The following FER variants were observed in gnomAD, a reference collection of about 807,000 sequenced individuals.
FER encodes tyrosine-protein kinase Fer.
Under a neutral mutation model 111.0 loss-of-function variants are expected in FER, and 63 were observed. The ratio of observed to expected loss-of-function variants is 0.57; its 90% confidence interval spans 0.46 to 0.70. The LOEUF is 0.70. Ranked by LOEUF, FER falls within the 30% of genes least tolerant of loss-of-function variation. The pLI is 0.00. For missense variants in FER, 914 were observed against 954.0 expected (o/e 0.96, Z 0.55); for synonymous variants, 327 against 313.9 (o/e 1.04, Z -0.44).
intron 13 of FER, among the ~76,000 whole-genome samples, chr5:109,001,556 C>T (rs545819599): frequency 2.6e-5 from 4 of 152,262 alleles, no homozygotes; most frequent in African/African-American, 9.6e-5. Flanking sequence ...TGGAAGCATT[C>T]CCTTTGAAAA....
At chr5:108,770,802 A>T (rs1322822850) in intron 2 of FER, among the ~76,000 whole-genome samples, 1 of 152,176 alleles carries the variant, frequency 6.6e-6, no homozygotes, top group Non-Finnish European at 1.5e-5. Flanking sequence ...GCTTCATCAG[A>T]GGATATTTAT....
At chr5:109,074,375 A>G (rs1443469197) in intron 16 of FER, among the ~76,000 whole-genome samples, 2 of 152,226 alleles carry the variant, frequency 1.3e-5, no homozygotes, top group Admixed American at 1.3e-4. Flanking sequence ...ATATCAAAAG[A>G]TACATTGTAA....
chr5:108,812,222 T>C (rs1180598206), intron 3 of FER, among the ~76,000 whole-genome samples: 5 of 152,234 alleles, frequency 3.3e-5, no homozygotes, highest in Admixed American at 6.5e-5. Flanking sequence ...CATAAATGTT[T>C]AGAAATGTTA....
intron 13 of FER, among the ~76,000 whole-genome samples, chr5:108,978,744 C>T (rs1172194443): frequency 3.3e-5 from 5 of 152,204 alleles, no homozygotes; most frequent in African/African-American, 1.2e-4. Flanking sequence ...AAACTGTGTA[C>T]ATGAAGCCCA....
chr5:108,974,916 A>G (rs1172293589), intron 13 of FER, among the ~76,000 whole-genome samples: 1 of 152,224 alleles, frequency 6.6e-6, no homozygotes, highest in African/African-American at 2.4e-5. Flanking sequence ...TTTGACCTCC[A>G]GAACTGTAAA....
In FER at chr5:108,941,316, G is replaced by A. The variant is rs189978778; in HGVS notation, c.1237-4814G>A. ...AAAGGAGTGGGTATGTCCATTTCTTGAGGAAAATATTCTTGAATTCAGACT... is the reference window on the plus strand; with the variant it reads ...AAAGGAGTGGGTATGTCCATTTCTTAAGGAAAATATTCTTGAATTCAGACT... On this transcript the variant is annotated intron_variant, in intron 10 of 19. Transcript: ENST00000281092. Among the ~76,000 whole-genome samples the A allele has an allele frequency of 7.6e-3, 1,159 of 152,254 alleles. 9 individuals are homozygous for A. Among genetic ancestry groups the A allele is most frequent in the African/African-American group, 0.027 (1,132 of 41,542 alleles).
intron 11 of FER, among the ~76,000 whole-genome samples, chr5:108,950,586 C>G (rs1484494117): frequency 1.3e-5 from 2 of 152,108 alleles, no homozygotes; most frequent in Non-Finnish European, 2.9e-5. Flanking sequence ...ATCCTGAACA[C>G]AAATGATCCT....
chr5:109,146,047 C>T (rs911507075), intron 17 of FER, among the ~76,000 whole-genome samples: 3 of 149,864 alleles, frequency 2.0e-5, no homozygotes, highest in Non-Finnish European at 4.4e-5. Flanking sequence ...ACCAGGCAAC[C>T]AATAAAAAAC....
chr5:108,890,234 A>G (rs906380884), intron 9 of FER, among the ~76,000 whole-genome samples: 1 of 152,116 alleles, frequency 6.6e-6, no homozygotes, highest in Admixed American at 6.6e-5. Context: ...TCAGAAATTC[A>G]TCCAGCTACT....
rs554240180 is a variant in FER, at chr5:109,134,951, G to A, written c.2048+34432G>A. 7.2e-5 allele frequency among the ~76,000 whole-genome samples: 11 copies of A among 152,250 alleles called. No homozygotes were observed. In the South Asian group the frequency reaches 1.9e-3, roughly 26 times the overall value. On this transcript the variant is annotated intron_variant, in intron 17 of 19. Coordinates refer to ENST00000281092, the MANE Select transcript of FER (RefSeq NM_005246.4). Reference sequence around the variant, plus strand: ...TGTCTCCCATGAGATTGTGATCTTCGTAAGGGCAGAAACCGTGTATATTTT... The same window carrying A: ...TGTCTCCCATGAGATTGTGATCTTCATAAGGGCAGAAACCGTGTATATTTT...
At chr5:108,938,512 A>C (rs138296502) in intron 10 of FER, among the ~76,000 whole-genome samples, 1,553 of 152,124 alleles carry the variant, frequency 0.01, 26 homozygotes, top group African/African-American at 0.036. Context: ...GTGAACTCAG[A>C]GAGAGCAGAT....
At chr5:109,066,320 G>A (rs1775085185) in intron 16 of FER, among the ~76,000 whole-genome samples, 1 of 152,056 alleles carries the variant, frequency 6.6e-6, no homozygotes, top group Non-Finnish European at 1.5e-5. Flanking sequence ...GCCATTTGTT[G>A]AATAGGATGA....
At chr5:108,989,034 G>A (rs1762875908) in intron 13 of FER, among the ~76,000 whole-genome samples, 1 of 151,994 alleles carries the variant, frequency 6.6e-6, no homozygotes, top group African/African-American at 2.4e-5. Context: ...GATTTCATTT[G>A]CAACGGTCAT....
At chr5:109,019,098 A>G (rs1281926618) in intron 13 of FER, among the ~76,000 whole-genome samples, 10 of 151,542 alleles carry the variant, frequency 6.6e-5, no homozygotes, top group South Asian at 2.1e-4. Flanking sequence ...GTTTGAATGT[A>G]TCATAGACAG....
Position 108,970,820 on chromosome 5 carries a change from A to G in FER, c.1656+11473A>G, listed in dbSNP as rs116199938. Among the ~76,000 whole-genome samples, 1,164 of 152,286 alleles carry G rather than the reference A, an allele frequency of 7.6e-3. 11 individuals carry two copies. The highest frequency in any genetic ancestry group is 0.027 in the African/African-American group (1,137 of 41,558). Reference sequence around the variant, plus strand: ...TTAAGTCAGGCAAGATCAGTTTGACAGAAGCAGGTGATTTGGAAAGGTGAA... The same window carrying G: ...TTAAGTCAGGCAAGATCAGTTTGACGGAAGCAGGTGATTTGGAAAGGTGAA... On this transcript the variant is annotated intron_variant, in intron 13 of 19. Coordinates refer to ENST00000281092, the MANE Select transcript of FER (RefSeq NM_005246.4).
intron 1 of FER, among the ~76,000 whole-genome samples, chr5:108,754,844 T>G (rs1750905088): frequency 6.6e-6 from 1 of 152,240 alleles, no homozygotes; most frequent in Non-Finnish European, 1.5e-5. Context: ...AAAATGCTCT[T>G]TACATTGGCT....
intron 16 of FER, among the ~76,000 whole-genome samples, chr5:109,065,701 C>T (rs1775010404): frequency 1.3e-5 from 2 of 152,138 alleles, no homozygotes; most frequent in Admixed American, 6.5e-5. Context: ...ATTGTATAGC[C>T]TCTTGTCAGT....
rs111751661 is a variant in FER at position 108,957,878 on chromosome 5, A to G, written c.1534-1347A>G. Among the ~76,000 whole-genome samples, 771 of 151,754 alleles carry G rather than the reference A, an allele frequency of 5.1e-3. 11 individuals carry two copies. Among genetic ancestry groups the G allele is most frequent in the African/African-American group, 0.018 (732 of 41,510 alleles). On this transcript the variant is annotated intron_variant, in intron 12 of 19. Transcript: ENST00000281092. ...AAGGAATAAGCTGAGACACTGAGAG[A>G]TCTTTCTCAGTGTTTTGCACACCTA...
chr5:109,098,013 T>G (rs1747746246), intron 16 of FER, among the ~76,000 whole-genome samples: 1 of 151,822 alleles, frequency 6.6e-6, no homozygotes, highest in South Asian at 2.1e-4. Context: ...TTTCCTAGAT[T>G]TAATGACTCG....
Sources: allele counts gnomAD v4.1 joint callset (sites outside exome capture counted in the v4.1 genomes callset), GRCh38; gene constraint gnomAD v4.1.1; transcripts MANE v1.5; gene names NCBI Gene and HGNC (gene_info 2026-07-23, HGNC 2026-07-21).